The following KCNJ6 variants were observed in gnomAD, a reference collection of about 807,000 sequenced individuals.
The protein encoded by KCNJ6 is G protein-activated inward rectifier potassium channel 2.
Under a neutral mutation model 34.2 loss-of-function variants are expected in KCNJ6, and 9 were observed. The ratio of observed to expected loss-of-function variants is 0.26; its 90% CI spans 0.16 to 0.46. KCNJ6 has a LOEUF of 0.46. KCNJ6 is among the 20% of genes least tolerant of loss of function. The pLI is 1.00. For missense variants in KCNJ6, 236 were observed against 531.3 expected (o/e 0.44, Z 5.46); for synonymous variants, 196 against 207.1 (o/e 0.95, Z 0.46).
At chr21:37,793,194 GCT>G (rs2055224976) in intron 2 of KCNJ6, among the ~76,000 whole-genome samples, 1 of 152,204 alleles carries the variant, frequency 6.6e-6, no homozygotes, top group Non-Finnish European at 1.5e-5. Flanking sequence ...TTAAATAACA[GCT>G]CTGTCTTTTT....
intron 2 of KCNJ6, among the ~76,000 whole-genome samples, chr21:37,740,712 A>C (rs2098051753): frequency 6.6e-6 from 1 of 152,024 alleles, no homozygotes; most frequent in Non-Finnish European, 1.5e-5. Flanking sequence ...ACAGAGTTTG[A>C]CTCTTTTCAT....
intron 1 of KCNJ6, among the ~76,000 whole-genome samples, chr21:37,895,672 A>G (rs572252332): frequency 3.3e-5 from 5 of 152,264 alleles, no homozygotes; most frequent in African/African-American, 1.2e-4. Flanking sequence ...TGTCCTGATT[A>G]CTTCAGTAAA....
At chr21:37,898,831 T>C (rs2055802543) in intron 1 of KCNJ6, among the ~76,000 whole-genome samples, 1 of 152,184 alleles carries the variant, frequency 6.6e-6, no homozygotes, top group South Asian at 2.1e-4. Context: ...GAAATTGTAC[T>C]TTTTAAAAGG....
chr21:37,890,819 C>T (rs1414084458), intron 1 of KCNJ6, among the ~76,000 whole-genome samples: 1 of 152,132 alleles, frequency 6.6e-6, no homozygotes, highest in African/African-American at 2.4e-5. Context: ...TGCCCGCCTC[C>T]CCCGCATCCA....
At chr21:37,725,031 T>C (rs1056958743) in intron 2 of KCNJ6, among the ~76,000 whole-genome samples, 1 of 152,078 alleles carries the variant, frequency 6.6e-6, no homozygotes, top group Non-Finnish European at 1.5e-5. Flanking sequence ...ATGTAAAAAT[T>C]GTAAATGTCT....
intron 2 of KCNJ6, among the ~76,000 whole-genome samples, chr21:37,838,181 G>A (rs1480463866): frequency 1.3e-5 from 2 of 152,196 alleles, no homozygotes; most frequent in East Asian, 3.8e-4. Context: ...ATTCTCTTAT[G>A]ACAGTTGATT....
At chr21:37,716,306 G>T (rs1472669070) in intron 2 of KCNJ6, among the ~76,000 whole-genome samples, 2 of 151,672 alleles carry the variant, frequency 1.3e-5, no homozygotes, top group African/African-American at 4.8e-5. Context: ...ATTTGATTTG[G>T]TTTCTGCCTC....
At chr21:37,647,245 A>C (rs2054409508) in intron 3 of KCNJ6, among the ~76,000 whole-genome samples, 1 of 152,028 alleles carries the variant, frequency 6.6e-6, no homozygotes, top group African/African-American at 2.4e-5. Context: ...TTTTTAGCTC[A>C]TTTCTTTGGA....
chr21:37,745,618 T>C (rs1342118765), intron 2 of KCNJ6, among the ~76,000 whole-genome samples: 3 of 152,198 alleles, frequency 2.0e-5, no homozygotes, highest in Admixed American at 1.3e-4. Flanking sequence ...GTCAATGCAT[T>C]TGTGATATTA....
intron 1 of KCNJ6, among the ~76,000 whole-genome samples, chr21:37,844,372 A>C (rs945234723): frequency 4.6e-5 from 7 of 151,936 alleles, no homozygotes; most frequent in Non-Finnish European, 8.8e-5. Flanking sequence ...TGCATATTTT[A>C]AAGTTGGTCT....
At chr21:37,649,367 G>T (rs2054421615) in intron 3 of KCNJ6, among the ~76,000 whole-genome samples, 1 of 152,108 alleles carries the variant, frequency 6.6e-6, no homozygotes, top group Admixed American at 6.5e-5. Flanking sequence ...GTTCAATGTT[G>T]TTCCACAGAC....
At chr21:37,741,361 A>T (rs185675876) in intron 2 of KCNJ6, among the ~76,000 whole-genome samples, 5 of 152,108 alleles carry the variant, frequency 3.3e-5, no homozygotes, top group African/African-American at 1.2e-4. Context: ...GGCTTGGCTC[A>T]TGAGAGGTTC....
chr21:37,760,550 G>T (rs890751474), intron 2 of KCNJ6, among the ~76,000 whole-genome samples: 1 of 152,232 alleles, frequency 6.6e-6, no homozygotes, highest in African/African-American at 2.4e-5. Context: ...TGAGGCTTCT[G>T]ACAGCTTGGT....
At chr21:37,651,917 T>C (rs2054435488) in intron 3 of KCNJ6, among the ~76,000 whole-genome samples, 3 of 152,208 alleles carry the variant, frequency 2.0e-5, no homozygotes. Flanking sequence ...TGTAACCTTA[T>C]TTTCAACCTT....
At chr21:37,859,395 A>G (rs1379057164) in intron 1 of KCNJ6, among the ~76,000 whole-genome samples, 2 of 150,168 alleles carry the variant, frequency 1.3e-5, no homozygotes, top group African/African-American at 2.5e-5. Context: ...CAAGAAACTC[A>G]TAACAGTGGT....
Position 37,618,128 on chromosome 21 carries a change from C to A in KCNJ6, c.*7031G>T, listed in dbSNP as rs2054279241. The A allele has an allele frequency of 6.6e-6, 1 of 152,272 alleles. No homozygotes were observed. Among genetic ancestry groups the A allele is most frequent in the South Asian group, 2.1e-4 (1 of 4,828 alleles). 9.4% of individuals were successfully genotyped at this position (152,272 alleles called of 1,614,324 possible). A position where few individuals can be genotyped will look rare whatever the true frequency, so the allele number is the denominator to read the frequency against. On this transcript the variant is annotated 3_prime_UTR_variant, in exon 4 of 4. Coordinates refer to ENST00000609713, the MANE Select transcript of KCNJ6 (RefSeq NM_002240.5). ...AGTCAGCAATGCTGAGAGATGATGT[C>A]AGGGCGATGCCCGTGATGGCCGGAT...
chr21:37,828,656 C>T (rs2055410400), intron 2 of KCNJ6, among the ~76,000 whole-genome samples: 1 of 152,248 alleles, frequency 6.6e-6, no homozygotes, highest in Non-Finnish European at 1.5e-5. Flanking sequence ...CTCTGCGTGG[C>T]AGGCTGTCCT....
chr21:37,902,727 C>A (rs1343302009), intron 1 of KCNJ6, among the ~76,000 whole-genome samples: 1 of 152,190 alleles, frequency 6.6e-6, no homozygotes, highest in Non-Finnish European at 1.5e-5. Flanking sequence ...GCAGAAGAAA[C>A]CCCACAGACA....
At chr21:37,845,271 GA>G (rs777790101) in intron 1 of KCNJ6, among the ~76,000 whole-genome samples, 91 of 152,286 alleles carry the variant, frequency 6.0e-4, no homozygotes, top group African/African-American at 2.2e-3. Context: ...CTTTTAAAAT[GA>G]AAAGAAAATC....
Sources: gnomAD v4.1 joint callset for allele counts (sites outside exome capture counted in the v4.1 genomes callset) on GRCh38, gnomAD v4.1.1 for gene constraint, MANE v1.5 for transcripts, NCBI Gene and HGNC (gene_info 2026-07-23, HGNC 2026-07-21) for gene names.